The following TNIK variants were observed in gnomAD, a reference collection of about 807,000 sequenced individuals.
TNIK encodes the protein TRAF2 and NCK-interacting protein kinase.
A neutral mutation model predicts 191.3 loss-of-function variants in TNIK; 49 were observed. That is an observed-to-expected ratio of 0.26 (90% CI 0.20 to 0.32). The LOEUF (loss-of-function observed/expected upper bound fraction) is 0.32, where lower values mean the gene tolerates loss of function less well. Among genes scored for constraint, TNIK ranks in the 10% least tolerant of loss-of-function variants. The probability of loss-of-function intolerance (pLI) is 1.00; values close to 1 mark genes in which losing one functional copy is unlikely to be tolerated. For missense variants in TNIK, 1,155 were observed against 1,702.3 expected (o/e 0.68, Z 5.66); for synonymous variants, 594 against 600.9 (o/e 0.99, Z 0.17).
At chr3:171,452,811 T>C (rs1728342603) in intron 1 of TNIK, among the ~76,000 whole-genome samples, 1 of 151,012 alleles carries the variant, frequency 6.6e-6, no homozygotes, top group South Asian at 2.1e-4. Context: ...TTTAAATCTC[T>C]CAAAACTTAG....
chr3:171,327,488 A>AC (rs924108019), intron 2 of TNIK, among the ~76,000 whole-genome samples: 1 of 151,882 alleles, frequency 6.6e-6, no homozygotes, highest in African/African-American at 2.4e-5. Context: ...CCGCTAAAAC[A>AC]CCCCACAAAG....
intron 13 of TNIK, 94 bp downstream of exon 13, chr3:171,140,305 G>C (rs1730630825): frequency 2.9e-6 from 3 of 1,024,546 alleles, no homozygotes; most frequent in Non-Finnish European, 4.2e-6. Flanking sequence ...CATGTAAACT[G>C]AGCATTCCTC....
chr3:171,067,905 G>A (rs189214674), intron 30 of TNIK, among the ~76,000 whole-genome samples: 94 of 152,220 alleles, frequency 6.2e-4, no homozygotes, highest in Non-Finnish European at 7.1e-4. Context: ...GTTAAAAGTG[G>A]TAATAATGCA....
intron 1 of TNIK, among the ~76,000 whole-genome samples, chr3:171,459,787 A>G (rs13060086): frequency 0.87 from 131,409 of 151,548 alleles, 57,277 homozygotes; most frequent in African/African-American, 0.95. Context: ...GGAGAGCCTA[A>G]GCCACGGCCA....
intron 3 of TNIK, among the ~76,000 whole-genome samples, chr3:171,223,826 T>C (rs1356541503): frequency 1.3e-5 from 2 of 152,150 alleles, no homozygotes; most frequent in Non-Finnish European, 2.9e-5. Flanking sequence ...AAGGACCAAA[T>C]CAGTTTTGAA....
intron 18 of TNIK, among the ~76,000 whole-genome samples, chr3:171,115,289 A>T (rs1276429284): frequency 3.9e-5 from 6 of 152,192 alleles, no homozygotes; most frequent in Non-Finnish European, 4.4e-5. Flanking sequence ...CACTCCTTTG[A>T]TTATTTAGCC....
intron 1 of TNIK, among the ~76,000 whole-genome samples, chr3:171,427,596 T>C (rs1724808283): frequency 6.6e-6 from 1 of 152,184 alleles, no homozygotes; most frequent in Non-Finnish European, 1.5e-5. Flanking sequence ...AAAGTGCTAT[T>C]ATTATTACCC....
intron 7 of TNIK, among the ~76,000 whole-genome samples, chr3:171,182,761 G>A (rs968179844): frequency 2.0e-5 from 3 of 152,124 alleles, no homozygotes; most frequent in Non-Finnish European, 4.4e-5. Context: ...AAAGCAACAC[G>A]TTTAGATGTC....
At chr3:171,151,517 T>C (rs758227904) in intron 12 of TNIK, among the ~76,000 whole-genome samples, 19 of 152,190 alleles carry the variant, frequency 1.2e-4, no homozygotes, top group Non-Finnish European at 2.4e-4. Context: ...TCGGCAGGCT[T>C]TGTATGAATT....
At chr3:171,199,857 T>C (rs2108865700) in intron 4 of TNIK, among the ~76,000 whole-genome samples, 1 of 152,378 alleles carries the variant, frequency 6.6e-6, no homozygotes, top group East Asian at 1.9e-4. Context: ...ATGTTTCTAT[T>C]CTTTGGTCTA....
chr3:171,100,226 G>A (rs770752685), intron 22 of TNIK, among the ~76,000 whole-genome samples: 9 of 152,150 alleles, frequency 5.9e-5, no homozygotes, highest in Non-Finnish European at 1.2e-4. Flanking sequence ...TAGTGATTTT[G>A]CCTCTAGAAC....
At chr3:171,451,066 T>C (rs1728112985) in intron 1 of TNIK, among the ~76,000 whole-genome samples, 1 of 152,232 alleles carries the variant, frequency 6.6e-6, no homozygotes, top group Admixed American at 6.5e-5. Context: ...GGGCCCTCAG[T>C]GACTTCTGCC....
intron 22 of TNIK, among the ~76,000 whole-genome samples, chr3:171,100,746 GA>G (rs111353325): frequency 0.48 from 44,800 of 92,720 alleles, 8,587 homozygotes; most frequent in Non-Finnish European, 0.53. Flanking sequence ...TCCTCACCTT[GA>G]AAAAAAAAAA....
chr3:171,296,851 T>C (rs1474081839), intron 2 of TNIK, among the ~76,000 whole-genome samples: 1 of 152,246 alleles, frequency 6.6e-6, no homozygotes, highest in East Asian at 1.9e-4. Context: ...CTTTCTCCTC[T>C]ATCAGAGATG....
intron 1 of TNIK, among the ~76,000 whole-genome samples, chr3:171,373,108 T>C (rs1716743995): frequency 6.6e-6 from 1 of 152,184 alleles, no homozygotes; most frequent in African/African-American, 2.4e-5. Context: ...CCTTGTAGAA[T>C]TGTGATACAG....
At chr3:171,398,732 T>C (rs1720541907) in intron 1 of TNIK, among the ~76,000 whole-genome samples, 1 of 152,230 alleles carries the variant, frequency 6.6e-6, no homozygotes, top group Non-Finnish European at 1.5e-5. Context: ...AGGGGCATTC[T>C]ACCTACATTC....
intron 25 of TNIK, 60 bp downstream of exon 25, chr3:171,085,058 C>T (rs1721163272): frequency 3.7e-6 from 5 of 1,346,690 alleles, no homozygotes; most frequent in East Asian, 2.5e-5. Flanking sequence ...ATTTCCTTAT[C>T]AGGTCATACC....
intron 1 of TNIK, among the ~76,000 whole-genome samples, chr3:171,382,926 T>C (rs140912248): frequency 1.9e-3 from 284 of 152,356 alleles, no homozygotes; most frequent in Middle Eastern, 3.4e-3. Context: ...TAATGCTTTG[T>C]AACTTTTGAA....
At chr3:171,406,162 G>GA (rs34953852) in intron 1 of TNIK, among the ~76,000 whole-genome samples, 6 of 150,582 alleles carry the variant, frequency 4.0e-5, no homozygotes, top group Admixed American at 1.3e-4. Flanking sequence ...AGCTAGAAGT[G>GA]AAAAAAAAAA....
Sources: gnomAD v4.1 joint callset for allele counts (sites outside exome capture counted in the v4.1 genomes callset) on GRCh38, gnomAD v4.1.1 for gene constraint, MANE v1.5 for transcripts, NCBI Gene and HGNC (gene_info 2026-07-23, HGNC 2026-07-21) for gene names.